CLEC16A: variants seen among roughly 807,000 people sequenced by gnomAD.
CLEC16A encodes protein CLEC16A.
Under a neutral mutation model 109.5 loss-of-function variants are expected in CLEC16A, and 51 were observed. The observed-to-expected ratio is 0.47, with a 90% CI of 0.37 to 0.59. The LOEUF (loss-of-function observed/expected upper bound fraction) is 0.59, where lower values mean the gene tolerates loss of function less well. Among genes scored for constraint, CLEC16A ranks in the 20% least tolerant of loss-of-function variants. CLEC16A has a pLI of 0.00. For synonymous variants in CLEC16A, 673 were observed against 564.2 expected (o/e 1.19, Z -2.73); for missense variants, 1,339 against 1,394.0 (o/e 0.96, Z 0.63).
chr16:11,129,850 C>A (rs796949380), intron 22 of CLEC16A, among the ~76,000 whole-genome samples: 8 of 151,984 alleles, frequency 5.3e-5, no homozygotes, highest in Admixed American at 5.2e-4. Flanking sequence ...GCAAGCTCCG[C>A]CTCCCGGGTT....
chr16:11,047,119 T>C (rs1272491505), intron 16 of CLEC16A, among the ~76,000 whole-genome samples, 173 bp from the exon 17 acceptor site: 1 of 152,192 alleles, frequency 6.6e-6, no homozygotes, highest in Non-Finnish European at 1.5e-5. Context: ...TGGTCTGTCA[T>C]TTGAGCGTGT....
intron 11 of CLEC16A, among the ~76,000 whole-genome samples, chr16:11,018,427 G>A (rs13337737): frequency 0.013 from 1,910 of 152,020 alleles, 36 homozygotes; most frequent in African/African-American, 0.044. Flanking sequence ...TCCAGGCAGA[G>A]GAAATTACTG....
At chr16:11,019,685 C>T (rs901264337) in intron 11 of CLEC16A, among the ~76,000 whole-genome samples, 6 of 151,540 alleles carry the variant, frequency 4.0e-5, no homozygotes, top group Admixed American at 1.3e-4. Flanking sequence ...AGGACAATCA[C>T]TTGAACCCTG....
chr16:11,130,217 C>A (rs1012989034), intron 22 of CLEC16A, among the ~76,000 whole-genome samples: 1 of 152,214 alleles, frequency 6.6e-6, no homozygotes, highest in Admixed American at 6.5e-5. Context: ...TCTGTGCCCC[C>A]ACTTAGTATC....
chr16:11,126,493 C>A, intron 22 of CLEC16A: 1 of 1,015,916 alleles, frequency 9.8e-7, no homozygotes, highest in Non-Finnish European at 1.4e-6. Flanking sequence ...TGTAAGATGA[C>A]TAGAAAGAGA....
intron 22 of CLEC16A, among the ~76,000 whole-genome samples, chr16:11,143,665 C>T (rs891906476): frequency 3.3e-5 from 5 of 152,212 alleles, no homozygotes; most frequent in African/African-American, 1.2e-4. Flanking sequence ...CAGGGGCGCC[C>T]AGGGTGAGAG....
At chr16:10,992,181 A>G (rs2044058082) in intron 10 of CLEC16A, among the ~76,000 whole-genome samples, 1 of 152,148 alleles carries the variant, frequency 6.6e-6, no homozygotes, top group African/African-American at 2.4e-5. Context: ...TGTTAACCAC[A>G]GTCACCCTTC....
Position 11,042,286 on chromosome 16 carries a change from A to G in CLEC16A, c.1693A>G (p.Ser565Gly), listed in dbSNP as rs762331403. ...GATCCGGCTGGCGACGCTGGAGCTGAGCTGCCTGCTTCTGAAGCAGCAAGT... is the reference window on the plus strand; with the variant it reads ...GATCCGGCTGGCGACGCTGGAGCTGGGCTGCCTGCTTCTGAAGCAGCAAGT... ...GKIRLATLEL[S>G]CLLLKQQVLM... Residue 565 changes from serine to glycine, a missense_variant, in exon 15 of 24, where the codon AGC becomes GGC. By Grantham distance (56) the Ser-to-Gly change is moderately conservative. This residue lies in a region of CLEC16A where 1,061 missense variants were observed against 1,006.8 expected (regional missense o/e 1.05). Transcript: ENST00000409790. The G allele has an allele frequency of 6.3e-7, 1 of 1,589,242 alleles. No individual in the cohort carries two copies. Among genetic ancestry groups the G allele is most frequent in the Non-Finnish European group, 8.6e-7 (1 of 1,168,248 alleles).
intron 11 of CLEC16A, among the ~76,000 whole-genome samples, chr16:11,012,779 C>G (rs1249080182): frequency 6.6e-6 from 1 of 152,170 alleles, no homozygotes; most frequent in African/African-American, 2.4e-5. Flanking sequence ...AGGTTCAAAA[C>G]CAATCACAAA....
At chr16:11,161,991 C>T (rs567572280) in intron 22 of CLEC16A, among the ~76,000 whole-genome samples, 20 of 152,310 alleles carry the variant, frequency 1.3e-4, no homozygotes, top group African/African-American at 4.6e-4. Context: ...GGGGGCATGT[C>T]CAAGGTCTCG....
chr16:11,165,390 G>A (rs562822615), intron 22 of CLEC16A, among the ~76,000 whole-genome samples: 1 of 152,094 alleles, frequency 6.6e-6, no homozygotes, highest in Non-Finnish European at 1.5e-5. Flanking sequence ...TGCTCAAGAG[G>A]CTGAGGCAGG....
At chr16:11,154,226 T>C (rs1046739790) in intron 22 of CLEC16A, among the ~76,000 whole-genome samples, 33 of 152,260 alleles carry the variant, frequency 2.2e-4, no homozygotes, top group Admixed American at 1.3e-4. Flanking sequence ...TTAAGAGGGA[T>C]GGACTTAGAG....
chr16:11,091,245 A>G (rs1350312483), intron 19 of CLEC16A, among the ~76,000 whole-genome samples: 2 of 152,208 alleles, frequency 1.3e-5, no homozygotes, highest in Non-Finnish European at 1.5e-5. Context: ...TGGTGTTGAA[A>G]ATGATATCAC....
chr16:11,074,988 C>G (rs1441931431), intron 19 of CLEC16A, among the ~76,000 whole-genome samples: 3 of 152,054 alleles, frequency 2.0e-5, no homozygotes, highest in African/African-American at 7.2e-5. Flanking sequence ...GCCTGGGCAG[C>G]ATAGTGAGAC....
At position 10,969,154 on chromosome 16, in the gene CLEC16A, C is replaced by T. The variant is rs2302558; in HGVS notation, c.344-7C>T. 224,415 of 1,594,830 alleles carry T rather than the reference C, an allele frequency of 0.14. 19,051 individuals carry two copies. The highest frequency in any genetic ancestry group is 0.41 in the African/African-American group (29,929 of 73,386). On this transcript the variant is annotated splice_polypyrimidine_tract_variant and splice_region_variant and intron_variant, in intron 3 of 23. Coordinates refer to ENST00000409790, the MANE Select transcript of CLEC16A (RefSeq NM_015226.3). ...AGTTAACCTGTTTTGTTTTTTTCTC[C>T]CTCTAGATTATTTGCTCTCAAATAA...
At chr16:11,042,452 C>G in intron 15 of CLEC16A, 89 bp downstream of exon 15, 1 of 1,050,510 alleles carries the variant, frequency 9.5e-7, no homozygotes, top group Non-Finnish European at 1.4e-6. Context: ...GATAGGAGCC[C>G]TGGCCCGTGG....
chr16:10,957,878 C>A lies in CLEC16A; in HGVS notation c.177C>A (p.Ile59=). The A allele has an allele frequency of 1.2e-6, 2 of 1,613,832 alleles. No individual in the cohort carries two copies. Among genetic ancestry groups the A allele is most frequent in the Non-Finnish European group, 1.7e-6 (2 of 1,179,746 alleles). The part of the protein sequence containing the change: ...ETIRSITEIL[I]WGDQNDSSVF... ...TCCGTTCCATCACTGAGATCCTGAT[C>A]TGGGGAGATCAAAATGACAGCTCTG... Residue 59 remains isoleucine, a synonymous_variant, in exon 2 of 24, where the codon ATC becomes ATA. Coordinates refer to ENST00000409790, the MANE Select transcript of CLEC16A (RefSeq NM_015226.3).
chr16:11,172,779 C>T (rs750562388), intron 23 of CLEC16A, among the ~76,000 whole-genome samples: 3 of 152,060 alleles, frequency 2.0e-5, no homozygotes, highest in Non-Finnish European at 4.4e-5. Context: ...ATCCCAGCTA[C>T]TCGGGAGGCT....
At chr16:11,042,425 G>T (rs987309765) in intron 15 of CLEC16A, 62 bp downstream of exon 15, 6 of 1,320,424 alleles carry the variant, frequency 4.5e-6, no homozygotes, top group Non-Finnish European at 6.3e-6. Context: ...GGACAGGAGG[G>T]AAGCTGCTGG....
Sources: allele counts gnomAD v4.1 joint callset (sites outside exome capture counted in the v4.1 genomes callset), GRCh38; gene constraint gnomAD v4.1.1; regional missense constraint gnomAD v4.1.1; transcripts MANE v1.5; gene names NCBI Gene and HGNC (gene_info 2026-07-23, HGNC 2026-07-21).